Variants in HS3ST4 observed in about 807,000 individuals in gnomAD.
HS3ST4 encodes heparan sulfate-glucosamine 3-sulfotransferase 4, also known as heparan sulfate glucosamine 3-O-sulfotransferase 4.
Under a neutral mutation model 29.2 loss-of-function variants are expected in HS3ST4, and 17 were observed. The ratio of observed to expected loss-of-function variants is 0.58; its 90% CI spans 0.40 to 0.87. The LOEUF (loss-of-function observed/expected upper bound fraction) is 0.87. Ranked by LOEUF, HS3ST4 falls within the 40% of genes least tolerant of loss-of-function variation. HS3ST4 has a pLI of 0.00. For missense variants in HS3ST4, 627 were observed against 634.5 expected (o/e 0.99, Z 0.13); for synonymous variants, 314 against 285.7 (o/e 1.10, Z -1.00).
At chr16:25,796,097 G>T (rs1220947764) in intron 1 of HS3ST4, among the ~76,000 whole-genome samples, 1 of 152,068 alleles carries the variant, frequency 6.6e-6, no homozygotes, top group Non-Finnish European at 1.5e-5. Context: ...TCAAGCCCTT[G>T]CTAATTAGGC....
At chr16:25,873,123 GCTTT>G (rs953167892) in intron 1 of HS3ST4, among the ~76,000 whole-genome samples, 3 of 151,810 alleles carry the variant, frequency 2.0e-5, no homozygotes, top group Non-Finnish European at 4.4e-5. Flanking sequence ...CATTGCTTCA[GCTTT>G]CTTTCTTTCT....
At position 26,136,133 on chromosome 16, in the gene HS3ST4, G is replaced by C. The variant is rs9930821; in HGVS notation, c.1256G>C (p.Arg419Pro). 1 of 1,613,234 alleles carries C rather than the reference G, an allele frequency of 6.2e-7. No homozygotes were observed. The highest frequency in any genetic ancestry group is 2.2e-5 in the East Asian group (1 of 44,778). The change falls in exon 2 of 2, where the codon CGC becomes CCC. Residue 419 changes from arginine (R) to proline (P), a missense_variant. Around this residue, in one of 2 missense-constraint regions of HS3ST4, gnomAD observed 225 missense variants for 293.7 expected, o/e 0.77. Coordinates refer to ENST00000331351, the MANE Select transcript of HS3ST4 (RefSeq NM_006040.3). Reference protein sequence around the residue: ...LGKSKGRTHPRIDPDVIHRLR... With the variant: ...LGKSKGRTHPPIDPDVIHRLR... ...AAGAGCAAAGGTCGGACTCATCCTC[G>C]CATTGACCCAGATGTCATCCACAGA...
chr16:25,910,076 G>A (rs902150324), intron 1 of HS3ST4, among the ~76,000 whole-genome samples: 3 of 152,162 alleles, frequency 2.0e-5, no homozygotes, highest in African/African-American at 4.8e-5. Flanking sequence ...ATCAGATATA[G>A]CTGATGCAAC....
intron 1 of HS3ST4, among the ~76,000 whole-genome samples, chr16:25,909,933 A>G (rs1177775117): frequency 6.6e-6 from 1 of 152,164 alleles, no homozygotes; most frequent in East Asian, 1.9e-4. Context: ...TGGCTTGATC[A>G]TATCTCACTG....
intron 1 of HS3ST4, among the ~76,000 whole-genome samples, chr16:25,806,259 G>A (rs1417607439): frequency 1.3e-5 from 2 of 152,116 alleles, no homozygotes; most frequent in Non-Finnish European, 2.9e-5. Flanking sequence ...TTCAGCACAG[G>A]CACAAAGGTT....
intron 1 of HS3ST4, among the ~76,000 whole-genome samples, chr16:25,871,832 T>G (rs1967755955): frequency 6.6e-6 from 1 of 152,102 alleles, no homozygotes; most frequent in South Asian, 2.1e-4. Context: ...GCTAGACAAT[T>G]GTCAGAATGC....
intron 1 of HS3ST4, among the ~76,000 whole-genome samples, chr16:25,977,082 A>C (rs1968952200): frequency 6.6e-6 from 1 of 152,190 alleles, no homozygotes. Flanking sequence ...GATATTTGTA[A>C]GTAAGTTGAC....
rs538536007 is a variant in HS3ST4 at position 25,972,681 on chromosome 16, C to T, written c.735-162931C>T. 7.2e-4 allele frequency among the ~76,000 whole-genome samples: 110 copies of T among 152,222 alleles called. 1 individual carries two copies. Among genetic ancestry groups the T allele is most frequent in the African/African-American group, 2.6e-3 (108 of 41,518 alleles). On this transcript the variant is annotated intron_variant, in intron 1 of 1. Transcript: ENST00000331351. The stretch of plus-strand genomic sequence containing the variant: ...GTTACCTAATCTTGGGGATGACATC[C>T]CATCATTTTTGCATATTCTATTTAT...
intron 1 of HS3ST4, among the ~76,000 whole-genome samples, chr16:25,782,901 C>T (rs1399971812): frequency 1.3e-5 from 2 of 152,156 alleles, no homozygotes; most frequent in East Asian, 3.9e-4. Context: ...AAATCCTTTT[C>T]ATAGATTTTA....
At chr16:25,897,355 G>A (rs1328111709) in intron 1 of HS3ST4, among the ~76,000 whole-genome samples, 5 of 152,046 alleles carry the variant, frequency 3.3e-5, no homozygotes, top group Non-Finnish European at 5.9e-5. Context: ...GGGAGGCTGA[G>A]GAGGGAGGAT....
chr16:25,705,587 C>T (rs1342764740), intron 1 of HS3ST4, among the ~76,000 whole-genome samples: 1 of 152,122 alleles, frequency 6.6e-6, no homozygotes, highest in African/African-American at 2.4e-5. Context: ...ATTGCTTGAA[C>T]CCAGAGGCGG....
At chr16:25,748,724 A>G (rs777124568) in intron 1 of HS3ST4, among the ~76,000 whole-genome samples, 2 of 152,224 alleles carry the variant, frequency 1.3e-5, no homozygotes, top group Non-Finnish European at 2.9e-5. Flanking sequence ...AACTGATTGA[A>G]CTTTTAGAAC....
At chr16:25,921,554 A>T (rs1968353987) in intron 1 of HS3ST4, among the ~76,000 whole-genome samples, 1 of 152,198 alleles carries the variant, frequency 6.6e-6, no homozygotes, top group African/African-American at 2.4e-5. Context: ...GTCAGAAAGC[A>T]ACATTACTTT....
intron 1 of HS3ST4, among the ~76,000 whole-genome samples, chr16:25,746,509 A>G (rs2141599850): frequency 6.6e-6 from 1 of 152,164 alleles, no homozygotes; most frequent in African/African-American, 2.4e-5. Context: ...AAAGAAGGCG[A>G]TAAAACTTTG....
intron 1 of HS3ST4, among the ~76,000 whole-genome samples, chr16:25,841,444 G>A (rs1340182969): frequency 5.3e-5 from 8 of 151,996 alleles, no homozygotes; most frequent in Non-Finnish European, 8.8e-5. Context: ...GGGACTATAG[G>A]CAGCTAATTT....
intron 1 of HS3ST4, among the ~76,000 whole-genome samples, chr16:25,862,585 A>G (rs6497894): frequency 0.17 from 25,785 of 152,112 alleles, 2,334 homozygotes; most frequent in East Asian, 0.25. Context: ...CTGTGTGGCG[A>G]GGTCCCTAAC....
At chr16:25,942,506 C>T (rs1968581856) in intron 1 of HS3ST4, among the ~76,000 whole-genome samples, 1 of 152,124 alleles carries the variant, frequency 6.6e-6, no homozygotes, top group South Asian at 2.1e-4. Context: ...TTTCATCACC[C>T]CAGGCTGGCT....
intron 1 of HS3ST4, among the ~76,000 whole-genome samples, chr16:25,720,867 C>A (rs779844051): frequency 2.8e-4 from 43 of 152,270 alleles, no homozygotes; most frequent in Middle Eastern, 3.4e-3. Context: ...CATTAGACTT[C>A]CAAGTGGACA....
intron 1 of HS3ST4, among the ~76,000 whole-genome samples, chr16:25,927,093 T>C (rs914313790): frequency 6.6e-6 from 1 of 152,196 alleles, no homozygotes; most frequent in African/African-American, 2.4e-5. Context: ...TTTAAGGTCT[T>C]TGACTAACTT....
Sources: allele counts gnomAD v4.1 joint callset (sites outside exome capture counted in the v4.1 genomes callset), GRCh38; gene constraint gnomAD v4.1.1; regional missense constraint gnomAD v4.1.1; transcripts MANE v1.5; gene names NCBI Gene and HGNC (gene_info 2026-07-23, HGNC 2026-07-21).